The following METTL24 variants were observed in gnomAD, a reference collection of about 807,000 sequenced individuals.
The protein encoded by METTL24 is methyltransferase like 24.
A neutral mutation model predicts 32.7 loss-of-function variants in METTL24; 29 were observed. That is an observed-to-expected ratio of 0.89 (90% CI 0.66 to 1.21). METTL24 has a LOEUF of 1.21. Among genes scored for constraint, METTL24 ranks in the 50% most tolerant of loss-of-function variants. The pLI, the probability that METTL24 is intolerant of heterozygous loss-of-function variation, is 0.00. For missense variants in METTL24, 439 were observed against 468.1 expected, an observed-to-expected ratio of 0.94 and a Z score of 0.57; for synonymous variants, 163 against 179.5, an observed-to-expected ratio of 0.91 and a Z score of 0.73.
chr6:110,270,178 T>C (rs536244873), intron 4 of METTL24, among the ~76,000 whole-genome samples: 1 of 152,274 alleles, frequency 6.6e-6, no homozygotes, highest in Admixed American at 6.5e-5. Context: ...ATTAAAGTTT[T>C]ATGGGTTGTC....
chr6:110,357,954 C>G lies in METTL24; in HGVS notation c.318+1G>C. 1 of 1,200,704 alleles carries G rather than the reference C, an allele frequency of 8.3e-7. No individual in the cohort carries two copies. The highest frequency in any genetic ancestry group is 1.0e-6 in the Non-Finnish European group (1 of 965,856). The allele number at this position is 1,200,704 out of a possible 1,614,324, so 74.4% of individuals were successfully genotyped here. A position where few individuals can be genotyped will look rare whatever the true frequency, so the allele number is the denominator to read the frequency against. On this transcript the variant is annotated splice_donor_variant, in intron 1 of 4. Coordinates refer to ENST00000338882, the MANE Select transcript of METTL24 (RefSeq NM_001123364.3). LOFTEE classifies it high-confidence loss of function. ...CCAAGACCGACCGCTTTGCAACTGACCTTCCGGCGGGGGCGCCCGCGCGGG... is the reference window on the plus strand; with the variant it reads ...CCAAGACCGACCGCTTTGCAACTGAGCTTCCGGCGGGGGCGCCCGCGCGGG...
chr6:110,246,834 T>C (rs1778174087), intron 4 of METTL24, among the ~76,000 whole-genome samples: 1 of 152,012 alleles, frequency 6.6e-6, no homozygotes, highest in African/African-American at 2.4e-5. Context: ...CAACCCCAAC[T>C]TCATCGAGAC....
In METTL24 at chr6:110,291,866, G is replaced by A. The variant is rs117615180; in HGVS notation, c.786+7056C>T. ...TGTGTTTCCATCTCCAAATTCTCTT[G>A]TTGTTCCATTGATGTCTATCTTTAT... On this transcript the variant is annotated intron_variant, in intron 4 of 4. Coordinates refer to ENST00000338882, the MANE Select transcript of METTL24 (RefSeq NM_001123364.3). Among the ~76,000 whole-genome samples, 1,100 of 152,228 alleles carry A rather than the reference G, an allele frequency of 7.2e-3. 5 individuals carry two copies. Among genetic ancestry groups the A allele is most frequent in the Non-Finnish European group, 0.011 (769 of 68,018 alleles).
intron 4 of METTL24, among the ~76,000 whole-genome samples, chr6:110,264,383 A>C (rs1306614356): frequency 1.3e-5 from 2 of 152,164 alleles, no homozygotes; most frequent in Non-Finnish European, 2.9e-5. Context: ...GCTCATCATC[A>C]CTGGCCATCA....
At chr6:110,306,393 A>G (rs930898889) in intron 3 of METTL24, among the ~76,000 whole-genome samples, 1 of 151,726 alleles carries the variant, frequency 6.6e-6, no homozygotes, top group African/African-American at 2.4e-5. Flanking sequence ...TTTAGCCATT[A>G]ATTTCCAGAG....
intron 4 of METTL24, among the ~76,000 whole-genome samples, chr6:110,276,207 A>G (rs1173600804): frequency 6.6e-6 from 1 of 152,222 alleles, no homozygotes; most frequent in African/African-American, 2.4e-5. Flanking sequence ...CCAAGGCCCA[A>G]GGATTGCATA....
chr6:110,328,414 G>A (rs371785628), intron 1 of METTL24, among the ~76,000 whole-genome samples: 13 of 152,262 alleles, frequency 8.5e-5, no homozygotes, highest in East Asian at 3.9e-4. Flanking sequence ...GATTCCATAC[G>A]CAACTAGTTC....
In METTL24 at chr6:110,302,500, T is replaced by A. The variant is rs540601237; in HGVS notation, c.558-3350A>T. On this transcript the variant is annotated intron_variant, in intron 3 of 4. Coordinates refer to ENST00000338882, the MANE Select transcript of METTL24 (RefSeq NM_001123364.3). ...ACACATATACACACATATGTGTATA[T>A]ATACACATATACACACACATATGTG... is the stretch of plus-strand genomic sequence containing the variant. 3.1e-5 allele frequency among the ~76,000 whole-genome samples: 4 copies of A among 128,158 alleles called. No individual in the cohort carries two copies. The South Asian group carries it at 9.3e-4, about 30-fold the overall frequency. The allele number at this position is 128,158 out of a possible 152,430, so 84.1% of individuals were successfully genotyped here.
chr6:110,351,697 T>A (rs73763042), intron 1 of METTL24, among the ~76,000 whole-genome samples: 6,561 of 152,316 alleles, frequency 0.043, 476 homozygotes, highest in African/African-American at 0.15. Context: ...CTTCCAGGAT[T>A]GGGCAGGCGC....
chr6:110,281,228 G>A (rs1028751957), intron 4 of METTL24, among the ~76,000 whole-genome samples: 6 of 152,098 alleles, frequency 3.9e-5, no homozygotes, highest in African/African-American at 1.4e-4. Flanking sequence ...AATAAGATGA[G>A]AAAGTTTAGG....
intron 2 of METTL24, among the ~76,000 whole-genome samples, chr6:110,319,118 G>A (rs1771881893): frequency 6.6e-6 from 1 of 152,124 alleles, no homozygotes; most frequent in East Asian, 1.9e-4. Context: ...CTGGCAAAGG[G>A]AGCCCTTAAA....
intron 1 of METTL24, among the ~76,000 whole-genome samples, chr6:110,356,043 A>T (rs1413221166): frequency 6.6e-6 from 1 of 152,216 alleles, no homozygotes; most frequent in Admixed American, 6.5e-5. Flanking sequence ...GAAACAACAG[A>T]TGCTGAGTGA....
chr6:110,356,206 G>A (rs1772693701), intron 1 of METTL24, among the ~76,000 whole-genome samples: 1 of 152,144 alleles, frequency 6.6e-6, no homozygotes, highest in Non-Finnish European at 1.5e-5. Context: ...CACTTTGGGG[G>A]ATTGAGGCGG....
In METTL24 at chr6:110,245,656, T is replaced by C. The variant is rs1778141746; in HGVS notation, c.*290A>G. Among the ~76,000 whole-genome samples the C allele has an allele frequency of 6.6e-6, 1 of 152,240 alleles. No homozygotes were observed. The highest frequency in any genetic ancestry group is 2.4e-5 in the African/African-American group (1 of 41,470). On this transcript the variant is annotated 3_prime_UTR_variant, in exon 5 of 5. Transcript: ENST00000338882. ...TCAATGTTGGTGAATTCATAGATTA[T>C]AGATACATAGAGAATTTTAGGGAAA...
intron 3 of METTL24, among the ~76,000 whole-genome samples, chr6:110,314,351 C>T (rs146242926): frequency 4.6e-5 from 7 of 152,112 alleles, no homozygotes; most frequent in African/African-American, 1.7e-4. Flanking sequence ...TTTTTTTAAG[C>T]CATATATCAT....
chr6:110,281,899 A>G (rs1259620672), intron 4 of METTL24, among the ~76,000 whole-genome samples: 1 of 152,148 alleles, frequency 6.6e-6, no homozygotes, highest in African/African-American at 2.4e-5. Context: ...AAAGTATCAA[A>G]CTGTCACTAA....
At chr6:110,336,474 C>T (rs1195130562) in intron 1 of METTL24, among the ~76,000 whole-genome samples, 1 of 152,224 alleles carries the variant, frequency 6.6e-6, no homozygotes, top group Non-Finnish European at 1.5e-5. Context: ...GGCGCGGTGG[C>T]TCATGCCTGT....
chr6:110,257,232 G>T (rs537527033), intron 4 of METTL24, among the ~76,000 whole-genome samples: 37 of 152,214 alleles, frequency 2.4e-4, no homozygotes, highest in Admixed American at 9.2e-4. Context: ...ATAAGGAAAT[G>T]GATAATATCA....
At chr6:110,329,293 TG>T (rs1012670930) in intron 1 of METTL24, among the ~76,000 whole-genome samples, 77 of 152,324 alleles carry the variant, frequency 5.1e-4, no homozygotes, top group African/African-American at 1.8e-3. Flanking sequence ...GGAACTAGGT[TG>T]TGAGTCCTCG....
Sources: gnomAD v4.1 joint callset for allele counts (sites outside exome capture counted in the v4.1 genomes callset) on GRCh38, gnomAD v4.1.1 for gene constraint, MANE v1.5 for transcripts, NCBI Gene and HGNC (gene_info 2026-07-23, HGNC 2026-07-21) for gene names.